The following FAM227B variants were observed in gnomAD, a reference collection of about 807,000 sequenced individuals.
FAM227B encodes the protein family with sequence similarity 227 member B.
Under a neutral mutation model 73.8 loss-of-function variants are expected in FAM227B, and 88 were observed. The ratio of observed to expected loss-of-function variants is 1.19; its 90% CI spans 1.00 to 1.42. The LOEUF is 1.42. Among genes scored for constraint, FAM227B ranks in the 40% most tolerant of loss-of-function variants. The pLI is 0.00. For synonymous variants in FAM227B, 210 were observed against 190.5 expected, an observed-to-expected ratio of 1.10 and a Z score of -0.84; for missense variants, 632 against 590.9, an observed-to-expected ratio of 1.07 and a Z score of -0.72.
chr15:49,370,608 G>T (rs1186430494), intron 12 of FAM227B, among the ~76,000 whole-genome samples: 2 of 152,168 alleles, frequency 1.3e-5, no homozygotes, highest in Non-Finnish European at 2.9e-5. Context: ...TCAGAAAGTG[G>T]TTTTTATATA....
rs192270556 is a variant in FAM227B, at chr15:49,520,179, G to A, written c.875-11831C>T. ...AGTTTCCAATAAATTCCTCATCTCCGTCTGACACCACTTCATCCTGGACTT... is the reference window on the plus strand; with the variant it reads ...AGTTTCCAATAAATTCCTCATCTCCATCTGACACCACTTCATCCTGGACTT... On this transcript the variant is annotated intron_variant, in intron 10 of 15. Coordinates refer to ENST00000299338, the MANE Select transcript of FAM227B (RefSeq NM_152647.3). 1.6e-4 allele frequency among the ~76,000 whole-genome samples: 25 copies of A among 152,126 alleles called. 1 individual carries two copies. In the East Asian group the frequency reaches 3.1e-3, roughly 19 times the overall value.
intron 14 of FAM227B, among the ~76,000 whole-genome samples, chr15:49,333,071 A>C (rs938632456): frequency 4.6e-5 from 7 of 152,108 alleles, no homozygotes; most frequent in African/African-American, 1.7e-4. Flanking sequence ...TATCCTTAGA[A>C]TCTGTCTCAT....
intron 11 of FAM227B, among the ~76,000 whole-genome samples, chr15:49,378,116 G>A (rs755968109): frequency 6.6e-6 from 1 of 152,104 alleles, no homozygotes; most frequent in South Asian, 2.1e-4. Context: ...TGAAGAGACT[G>A]TCTTTTCCCT....
intron 10 of FAM227B, among the ~76,000 whole-genome samples, chr15:49,540,802 T>C (rs751360166): frequency 6.6e-6 from 1 of 152,184 alleles, no homozygotes; most frequent in Non-Finnish European, 1.5e-5. Context: ...AGTATCTTTG[T>C]TTGAATGCAG....
chr15:49,329,222 G>A (rs752246309), intron 15 of FAM227B: 35 of 986,314 alleles, frequency 3.5e-5, no homozygotes, highest in Non-Finnish European at 3.9e-5. Flanking sequence ...TAATGGTATT[G>A]ATGGGTATCT....
chr15:49,585,167 C>T (rs1219156235), intron 5 of FAM227B, among the ~76,000 whole-genome samples: 2 of 151,966 alleles, frequency 1.3e-5, no homozygotes, highest in Admixed American at 6.6e-5. Flanking sequence ...GTTAGAATGG[C>T]AATCATTAAA....
At chr15:49,603,950 C>T (rs572089075) in intron 3 of FAM227B, among the ~76,000 whole-genome samples, 5 of 152,230 alleles carry the variant, frequency 3.3e-5, no homozygotes, top group Admixed American at 2.0e-4. Context: ...TGACATATCA[C>T]GCTGACTGAT....
At chr15:49,351,611 C>T (rs898209876) in intron 13 of FAM227B, among the ~76,000 whole-genome samples, 2 of 152,160 alleles carry the variant, frequency 1.3e-5, no homozygotes, top group Non-Finnish European at 2.9e-5. Context: ...TTCCGGAAAG[C>T]GGACCTAAAG....
At position 49,479,554 on chromosome 15, in the gene FAM227B, C is replaced by T. The variant is rs1195359003; in HGVS notation, c.1012+28657G>A. Among the ~76,000 whole-genome samples, 8 of 142,040 alleles carry T rather than the reference C, an allele frequency of 5.6e-5. 1 individual carries two copies. In the South Asian group the frequency reaches 6.9e-4, roughly 12 times the overall value. The allele number at this position is 142,040 out of a possible 152,430, so 93.2% of individuals were successfully genotyped here. On this transcript the variant is annotated intron_variant, in intron 11 of 15. Transcript: ENST00000299338. ...TTCTATTATGTTTTCTGAGCAACTT[C>T]GTGGCTTCTGATTTGGAGGGTAGGA... is the stretch of plus-strand genomic sequence containing the variant.
chr15:49,472,241 A>C (rs762595786), intron 11 of FAM227B, among the ~76,000 whole-genome samples: 3 of 152,174 alleles, frequency 2.0e-5, no homozygotes, highest in Admixed American at 6.5e-5. Context: ...CATGCAATAA[A>C]CATCTGGAGG....
chr15:49,476,232 G>GTTTTTTTTTTTT lies in FAM227B; in HGVS notation c.1012+31967_1012+31978dup. 2.9e-3 allele frequency among the ~76,000 whole-genome samples: 166 copies of GTTTTTTTTTTTT among 57,320 alleles called. 17 individuals carry two copies. Among genetic ancestry groups the GTTTTTTTTTTTT allele is most frequent in the Non-Finnish European group, 3.5e-3 (95 of 27,418 alleles). The allele number at this position is 57,320 out of a possible 152,430, so 37.6% of individuals were successfully genotyped here. A position where few individuals can be genotyped will look rare whatever the true frequency, so the allele number is the denominator to read the frequency against. Reference sequence around the variant, plus strand: ...TTGCTGTTTTGTTTTTTTGTTTTTGGTTTTTTTTTTTTTGCATTTGGCATA... The same window carrying GTTTTTTTTTTTT: ...TTGCTGTTTTGTTTTTTTGTTTTTGGTTTTTTTTTTTTTTTTTTTTTTTTTGCATTTGGCATA... On this transcript the variant is annotated intron_variant, in intron 11 of 15. Transcript: ENST00000299338.
At chr15:49,355,539 A>G (rs2043004613) in intron 13 of FAM227B, among the ~76,000 whole-genome samples, 1 of 152,162 alleles carries the variant, frequency 6.6e-6, no homozygotes, top group Non-Finnish European at 1.5e-5. Flanking sequence ...AAGTTTAGAG[A>G]AAAAAGAATA....
chr15:49,386,712 G>C (rs1170722367), intron 11 of FAM227B, among the ~76,000 whole-genome samples: 1 of 151,680 alleles, frequency 6.6e-6, no homozygotes, highest in African/African-American at 2.4e-5. Context: ...GAAACAAAAA[G>C]CTGGTTCTTT....
At chr15:49,451,890 G>A (rs763324373) in intron 11 of FAM227B, among the ~76,000 whole-genome samples, 3 of 151,996 alleles carry the variant, frequency 2.0e-5, no homozygotes, top group Admixed American at 6.6e-5. Flanking sequence ...TTTTACATGC[G>A]GTTCTTCCAG....
intron 11 of FAM227B, among the ~76,000 whole-genome samples, chr15:49,459,380 T>A (rs1367879118): frequency 1.3e-5 from 2 of 152,220 alleles, no homozygotes; most frequent in Non-Finnish European, 2.9e-5. Context: ...GTAATTAGTA[T>A]GTTTATTCCA....
intron 11 of FAM227B, among the ~76,000 whole-genome samples, chr15:49,413,243 C>T (rs1278190361): frequency 6.6e-6 from 1 of 152,032 alleles, no homozygotes; most frequent in Non-Finnish European, 1.5e-5. Context: ...CCATACTGTT[C>T]TCATGGTAGT....
chr15:49,598,172 A>G (rs1179443457), intron 3 of FAM227B, among the ~76,000 whole-genome samples: 3 of 151,984 alleles, frequency 2.0e-5, no homozygotes, highest in Non-Finnish European at 4.4e-5. Flanking sequence ...CAACAAAAAA[A>G]GCTACATGCC....
At chr15:49,419,381 T>G (rs2049434827) in intron 11 of FAM227B, among the ~76,000 whole-genome samples, 1 of 152,210 alleles carries the variant, frequency 6.6e-6, no homozygotes, top group African/African-American at 2.4e-5. Context: ...GGCATGACCT[T>G]TTGAAAGGGA....
intron 11 of FAM227B, among the ~76,000 whole-genome samples, chr15:49,498,811 G>C (rs535732852): frequency 1.3e-5 from 2 of 152,114 alleles, no homozygotes; most frequent in African/African-American, 2.4e-5. Context: ...AAAGAGCAAG[G>C]GTTGCTATTC....
Sources: allele counts gnomAD v4.1 joint callset (sites outside exome capture counted in the v4.1 genomes callset), GRCh38; gene constraint gnomAD v4.1.1; transcripts MANE v1.5; gene names NCBI Gene and HGNC (gene_info 2026-07-23, HGNC 2026-07-21).